The following COG5 variants were observed in gnomAD, a reference collection of about 807,000 sequenced individuals.
The protein encoded by COG5 is conserved oligomeric Golgi complex subunit 5.
COG5 carries 86 observed loss-of-function variants against 110.4 expected under a neutral mutation model. That is an observed-to-expected ratio of 0.78 (90% confidence interval 0.65 to 0.93). The LOEUF is 0.93. COG5 is among the 40% of genes least tolerant of loss of function. The probability of loss-of-function intolerance (pLI) is 0.00; values close to 1 mark genes in which losing one functional copy is unlikely to be tolerated. For missense variants in COG5, 1,077 were observed against 987.0 expected (o/e 1.09, Z -1.22); for synonymous variants, 360 against 334.6 (o/e 1.08, Z -0.83).
intron 7 of COG5, among the ~76,000 whole-genome samples, chr7:107,394,043 G>C (rs939687300): frequency 2.0e-5 from 3 of 149,972 alleles, no homozygotes; most frequent in Non-Finnish European, 4.4e-5. Context: ...CTCACTGCAA[G>C]CTCCACCTCC....
chr7:107,476,184 T>TAAAAAA (rs34741713), intron 6 of COG5, among the ~76,000 whole-genome samples: 13 of 44,032 alleles, frequency 3.0e-4, no homozygotes, highest in South Asian at 1.2e-3. Flanking sequence ...GCAATGATTT[T>TAAAAAA]AAAAAAAAAA....
chr7:107,559,874 A>G (rs2253146), intron 1 of COG5, among the ~76,000 whole-genome samples: 43,974 of 152,210 alleles, frequency 0.29, 6,360 homozygotes, highest in East Asian at 0.33. Context: ...ATCATAGCAC[A>G]TGTATATTGG....
At chr7:107,257,557 A>C (rs747660232) in intron 15 of COG5, among the ~76,000 whole-genome samples, 18 of 152,240 alleles carry the variant, frequency 1.2e-4, no homozygotes, top group Admixed American at 7.2e-4. Flanking sequence ...TTTAACCATT[A>C]GCTTTCTTCA....
rs1464477286 is a variant in COG5 at position 107,385,924 on chromosome 7, C to T, written c.670-13164G>A. Among the ~76,000 whole-genome samples the T allele has an allele frequency of 4.0e-5, 6 of 150,590 alleles. No individual in the cohort carries two copies. The South Asian group carries it at 1.3e-3, about 31-fold the overall frequency. ...AAGCATCTTTTCACATGATTGCTGGCCATCTGTATATCTTCTTTGGAGAAA... is the reference window on the plus strand; with the variant it reads ...AAGCATCTTTTCACATGATTGCTGGTCATCTGTATATCTTCTTTGGAGAAA... On this transcript the variant is annotated intron_variant, in intron 7 of 21. Coordinates refer to ENST00000297135, the MANE Select transcript of COG5 (RefSeq NM_006348.5).
intron 11 of COG5, among the ~76,000 whole-genome samples, chr7:107,314,803 G>GA (rs1024444089): frequency 3.3e-5 from 5 of 152,084 alleles, no homozygotes; most frequent in African/African-American, 1.2e-4. Context: ...ATTTTAATCA[G>GA]AAAATGACAT....
chr7:107,549,514 C>T (rs1044756534), intron 3 of COG5, among the ~76,000 whole-genome samples: 7 of 152,102 alleles, frequency 4.6e-5, no homozygotes, highest in Admixed American at 6.5e-5. Context: ...GCCTCAGCCT[C>T]CCGAGTGGCT....
chr7:107,499,200 G>A (rs955906514), intron 6 of COG5, among the ~76,000 whole-genome samples: 1 of 152,074 alleles, frequency 6.6e-6, no homozygotes, highest in Non-Finnish European at 1.5e-5. Flanking sequence ...AGTAAAGCAA[G>A]ATAAGTAAGT....
intron 10 of COG5, among the ~76,000 whole-genome samples, chr7:107,337,716 T>A (rs1343176794): frequency 6.6e-6 from 1 of 151,958 alleles, no homozygotes; most frequent in African/African-American, 2.4e-5. Flanking sequence ...TTAGAAGAAA[T>A]AAGTTCTAAT....
chr7:107,488,549 C>A (rs1420404092), intron 6 of COG5, among the ~76,000 whole-genome samples: 2 of 151,938 alleles, frequency 1.3e-5, no homozygotes, highest in Non-Finnish European at 2.9e-5. Flanking sequence ...TTGGTTTAAG[C>A]CAAAAGAATA....
chr7:107,425,374 C>T (rs555723309), intron 6 of COG5, among the ~76,000 whole-genome samples: 1 of 149,944 alleles, frequency 6.7e-6, no homozygotes, highest in Non-Finnish European at 1.5e-5. Context: ...GGAAGATACA[C>T]ATCTATTTAT....
chr7:107,399,823 A>T (rs1318023414), intron 7 of COG5, among the ~76,000 whole-genome samples: 1 of 152,218 alleles, frequency 6.6e-6, no homozygotes, highest in African/African-American at 2.4e-5. Flanking sequence ...AGTTTGTCAC[A>T]TCAGTAGTTA....
chr7:107,236,545 C>CAAT lies in COG5; in HGVS notation c.1993_1995dup (p.Ile665dup), dbSNP rs1486809821. On this transcript the variant is annotated inframe_insertion, in exon 18 of 22. Transcript: ENST00000297135. ...ATAAAAAGTTCAACAGCTCTTTGGG[C>CAAT]AATAGCCTCAGTGTTGTCAAAGACA... The CAAT allele has an allele frequency of 2.5e-6, 4 of 1,613,986 alleles. No homozygotes were observed. Among genetic ancestry groups the CAAT allele is most frequent in the Admixed American group, 3.3e-5 (2 of 60,010 alleles).
At chr7:107,249,197 C>G (rs1020251943) in intron 16 of COG5, among the ~76,000 whole-genome samples, 1 of 152,088 alleles carries the variant, frequency 6.6e-6, no homozygotes, top group South Asian at 2.1e-4. Context: ...CAGTGATTCT[C>G]AACTGTGGGC....
At chr7:107,397,612 C>A (rs748014619) in intron 7 of COG5, among the ~76,000 whole-genome samples, 3 of 152,176 alleles carry the variant, frequency 2.0e-5, no homozygotes, top group Non-Finnish European at 2.9e-5. Flanking sequence ...TGTATCAACT[C>A]ATTACTCTAT....
intron 6 of COG5, among the ~76,000 whole-genome samples, chr7:107,487,370 T>C (rs1478254376): frequency 6.6e-6 from 1 of 152,074 alleles, no homozygotes; most frequent in East Asian, 1.9e-4. Context: ...GCAAACAATT[T>C]TTAATTTTTT....
intron 12 of COG5, among the ~76,000 whole-genome samples, chr7:107,286,387 A>G (rs1805630859): frequency 6.6e-6 from 1 of 152,268 alleles, no homozygotes; most frequent in Non-Finnish European, 1.5e-5. Context: ...CACCATGTCT[A>G]TAGTCATCCT....
At chr7:107,513,401 G>A (rs1226615836) in intron 6 of COG5, among the ~76,000 whole-genome samples, 2 of 152,150 alleles carry the variant, frequency 1.3e-5, no homozygotes, top group Non-Finnish European at 1.5e-5. Context: ...GGAAACAACA[G>A]GTGCTGGAGA....
chr7:107,337,109 C>A (rs1423927540), intron 10 of COG5, among the ~76,000 whole-genome samples: 1 of 151,920 alleles, frequency 6.6e-6, no homozygotes, highest in Non-Finnish European at 1.5e-5. Context: ...TATGACCTTA[C>A]CCCAGTTAGA....
At chr7:107,208,939 C>T in intron 21 of COG5, 5 of 983,992 alleles carry the variant, frequency 5.1e-6, no homozygotes, top group Non-Finnish European at 6.0e-6. Flanking sequence ...CCCTTGGCTG[C>T]ACCCTGGACC....
Sources: allele counts gnomAD v4.1 joint callset (sites outside exome capture counted in the v4.1 genomes callset), GRCh38; gene constraint gnomAD v4.1.1; transcripts MANE v1.5; gene names NCBI Gene and HGNC (gene_info 2026-07-23, HGNC 2026-07-21).